Variants in DCLK1 observed in about 807,000 individuals in gnomAD.
The protein encoded by DCLK1 is doublecortin like kinase 1.
In DCLK1, 16 loss-of-function variants were observed where a neutral mutation model predicts 86.2. That is an observed-to-expected ratio of 0.19 (90% CI 0.13 to 0.28). The LOEUF is 0.28. Ranked by LOEUF, DCLK1 falls within the 10% of genes least tolerant of loss-of-function variation. The pLI is 1.00. For synonymous variants in DCLK1, 369 were observed against 370.5 expected (o/e 1.00, Z 0.05); for missense variants, 590 against 940.2 (o/e 0.63, Z 4.87).
At chr13:35,896,538 CAAAAAAAAAAA>C (rs10675684) in intron 4 of DCLK1, among the ~76,000 whole-genome samples, 4 of 42,578 alleles carry the variant, frequency 9.4e-5, no homozygotes, top group African/African-American at 3.3e-4. Flanking sequence ...AATTCCACCT[CAAAAAAAAAAA>C]AAAAAAAAAA....
intron 3 of DCLK1, among the ~76,000 whole-genome samples, chr13:36,070,902 C>T (rs1883949941): frequency 6.6e-6 from 1 of 152,126 alleles, no homozygotes; most frequent in Admixed American, 6.5e-5. Flanking sequence ...ACCTCAGCCT[C>T]CCAAAGCACT....
chr13:36,006,389 C>A (rs1880957829), intron 3 of DCLK1, among the ~76,000 whole-genome samples: 1 of 152,220 alleles, frequency 6.6e-6, no homozygotes, highest in Non-Finnish European at 1.5e-5. Flanking sequence ...GAAAGGACCA[C>A]AAGAGCCACA....
intron 4 of DCLK1, among the ~76,000 whole-genome samples, chr13:35,899,043 T>G (rs1049567336): frequency 6.6e-6 from 1 of 152,148 alleles, no homozygotes; most frequent in African/African-American, 2.4e-5. Flanking sequence ...CCTTAGCATG[T>G]GTTTTGATTC....
rs2086651153 is a variant in DCLK1, at chr13:35,787,965, C to T, written c.2058+5401G>A. On this transcript the variant is annotated intron_variant, in intron 16 of 16. Transcript: ENST00000360631. ...GCACTAAATATACTGTCCTTTTAAC[C>T]ATAAGGAAAATTGATACTGAGCATG... 6.1e-6 allele frequency: 3 copies of T among 490,086 alleles called. No individual in the cohort carries two copies. The South Asian group carries it at 6.6e-5, about 11-fold the overall frequency. The allele number at this position is 490,086 out of a possible 1,614,324, so 30.4% of individuals were successfully genotyped here. A position where few individuals can be genotyped will look rare whatever the true frequency, so the allele number is the denominator to read the frequency against.
At chr13:35,800,823 C>T (rs533566249) in intron 15 of DCLK1, among the ~76,000 whole-genome samples, 1 of 152,004 alleles carries the variant, frequency 6.6e-6, no homozygotes, top group African/African-American at 2.4e-5. Flanking sequence ...TTCGAGCCAT[C>T]CTCATTCCTC....
At chr13:36,045,725 G>A (rs760497436) in intron 3 of DCLK1, among the ~76,000 whole-genome samples, 2 of 151,810 alleles carry the variant, frequency 1.3e-5, no homozygotes, top group Non-Finnish European at 2.9e-5. Flanking sequence ...GGTGGTGAAC[G>A]CCTGTAGTCC....
intron 6 of DCLK1, chr13:35,850,268 C>A: frequency 6.1e-6 from 6 of 984,416 alleles, no homozygotes; most frequent in Non-Finnish European, 7.2e-6. Flanking sequence ...ACAATATAAC[C>A]TTTAGAAAAA....
At chr13:36,115,830 A>G (rs888217382) in intron 2 of DCLK1, among the ~76,000 whole-genome samples, 1 of 150,516 alleles carries the variant, frequency 6.6e-6, no homozygotes, top group Non-Finnish European at 1.5e-5. Flanking sequence ...TTCCTGAAAG[A>G]TTTTAGTATT....
rs578257065 is a variant in DCLK1, at chr13:36,097,876, T to TTA, written c.723+13991_723+13992dup. 4.4e-3 allele frequency among the ~76,000 whole-genome samples: 663 copies of TTA among 152,274 alleles called. 5 individuals carry two copies. Among genetic ancestry groups the TTA allele is most frequent in the African/African-American group, 0.015 (620 of 41,546 alleles). ...AAAAAAAAAAAGATGCACATGAATT[T>TTA]TATATACTTAAAGTATTTGGAAAAC... On this transcript the variant is annotated intron_variant, in intron 3 of 16. Coordinates refer to ENST00000360631, the MANE Select transcript of DCLK1 (RefSeq NM_001330071.2).
intron 3 of DCLK1, among the ~76,000 whole-genome samples, chr13:36,064,054 C>T (rs536227526): frequency 7.9e-4 from 121 of 152,272 alleles, no homozygotes; most frequent in African/African-American, 2.8e-3. Context: ...TGATAAACAT[C>T]TCACACTAAA....
Position 35,810,976 on chromosome 13 carries a change from A to G in DCLK1, c.1555-8T>C, listed in dbSNP as rs1434863840. 1 of 1,613,270 alleles carries G rather than the reference A, an allele frequency of 6.2e-7. No individual in the cohort carries two copies. Reference sequence around the variant, plus strand: ...ATCTTGGTGCTCATACACCTAAAACAAAGGTAAAAATCACAATTGTCTGAA... The same window carrying G: ...ATCTTGGTGCTCATACACCTAAAACGAAGGTAAAAATCACAATTGTCTGAA... On this transcript the variant is annotated splice_polypyrimidine_tract_variant and splice_region_variant and intron_variant, in intron 11 of 16. Transcript: ENST00000360631.
intron 2 of DCLK1, among the ~76,000 whole-genome samples, chr13:36,120,078 T>C (rs540276204): frequency 3.2e-4 from 48 of 152,250 alleles, no homozygotes; most frequent in Admixed American, 3.9e-4. Context: ...GTCTCACATA[T>C]TATAACAATA....
chr13:35,799,497 C>T (rs935171845), intron 15 of DCLK1, among the ~76,000 whole-genome samples: 2 of 152,050 alleles, frequency 1.3e-5, no homozygotes, highest in Non-Finnish European at 2.9e-5. Context: ...GTTATCTGCC[C>T]GCCTCGGCCT....
chr13:35,787,110 C>A (rs1593587962), intron 16 of DCLK1, among the ~76,000 whole-genome samples: 1 of 150,692 alleles, frequency 6.6e-6, no homozygotes, highest in Non-Finnish European at 1.5e-5. Flanking sequence ...CACACACATA[C>A]ACATTATGTA....
At chr13:35,781,624 C>G (rs571442268) in intron 16 of DCLK1, among the ~76,000 whole-genome samples, 17 of 152,322 alleles carry the variant, frequency 1.1e-4, no homozygotes, top group African/African-American at 4.1e-4. Flanking sequence ...CAAACATTGA[C>G]TGCTTTTCCT....
intron 6 of DCLK1, chr13:35,847,087 G>GA: frequency 1.0e-6 from 1 of 982,352 alleles, no homozygotes; most frequent in Middle Eastern, 5.2e-4. Context: ...ACACACAATA[G>GA]AAAAAAATCA....
chr13:35,865,912 T>C (rs17053012), intron 5 of DCLK1, among the ~76,000 whole-genome samples: 10,200 of 152,234 alleles, frequency 0.067, 1,199 homozygotes, highest in African/African-American at 0.23. Context: ...AAGGGACTAA[T>C]ACTTAGGCTT....
chr13:35,958,360 C>A (rs2153136615), intron 3 of DCLK1, among the ~76,000 whole-genome samples: 1 of 81,648 alleles, frequency 1.2e-5, no homozygotes, highest in African/African-American at 3.7e-5. Context: ...ATGACTATCA[C>A]TGCCGTCACC....
At chr13:35,942,719 T>A (rs1877152944) in intron 4 of DCLK1, among the ~76,000 whole-genome samples, 1 of 152,172 alleles carries the variant, frequency 6.6e-6, no homozygotes, top group Non-Finnish European at 1.5e-5. Context: ...ACTATATATT[T>A]TCATCTTAGT....
Sources: allele counts gnomAD v4.1 joint callset (sites outside exome capture counted in the v4.1 genomes callset), GRCh38; gene constraint gnomAD v4.1.1; transcripts MANE v1.5; gene names NCBI Gene and HGNC (gene_info 2026-07-23, HGNC 2026-07-21).